Variants in PGAP4 observed in about 807,000 individuals in gnomAD.
The protein encoded by PGAP4 is post-GPI attachment to proteins GalNAc transferase 4, also known as GPI-N-acetylgalactosamine transferase PGAP4.
In PGAP4, 12 loss-of-function variants were observed where a neutral mutation model predicts 28.2. The observed-to-expected ratio is 0.42, with a 90% CI of 0.27 to 0.69. PGAP4 has a LOEUF of 0.69. Ranked by LOEUF, PGAP4 falls within the 30% of genes least tolerant of loss-of-function variation. The pLI, the probability that PGAP4 is intolerant of heterozygous loss-of-function variation, is 0.22. For synonymous variants in PGAP4, 205 were observed against 211.8 expected, an observed-to-expected ratio of 0.97 and a Z score of 0.28; for missense variants, 425 against 513.5, an observed-to-expected ratio of 0.83 and a Z score of 1.67.
chr9:101,515,880 G>A (rs184726426), intron 2 of PGAP4, among the ~76,000 whole-genome samples: 86 of 152,104 alleles, frequency 5.7e-4, no homozygotes, highest in Non-Finnish European at 9.6e-4. Flanking sequence ...GCATAGTAGG[G>A]TGACTAGTTA....
chr9:101,495,748 TC>T (rs1826741584), intron 2 of PGAP4, among the ~76,000 whole-genome samples: 1 of 150,558 alleles, frequency 6.6e-6, no homozygotes, highest in Non-Finnish European at 1.5e-5. Flanking sequence ...TTTAAAGTAA[TC>T]CAAAACCTAG....
At chr9:101,498,336 G>T (rs769062655) in intron 2 of PGAP4, among the ~76,000 whole-genome samples, 2 of 149,816 alleles carry the variant, frequency 1.3e-5, no homozygotes, top group South Asian at 2.1e-4. Flanking sequence ...CATTTTAACC[G>T]TTTTTTTTTA....
At chr9:101,485,110 G>T (rs68114463) in intron 1 of PGAP4, among the ~76,000 whole-genome samples, 35,670 of 151,916 alleles carry the variant, frequency 0.23, 4,456 homozygotes, top group East Asian at 0.43. Flanking sequence ...TAAATTAAAT[G>T]ATGTATATAT....
intron 2 of PGAP4, among the ~76,000 whole-genome samples, chr9:101,507,406 T>C (rs1036410371): frequency 6.6e-6 from 1 of 152,154 alleles, no homozygotes; most frequent in African/African-American, 2.4e-5. Context: ...GTTAGGCTTA[T>C]CCAAGATTTG....
At chr9:101,505,578 G>C (rs545097119) in intron 2 of PGAP4, among the ~76,000 whole-genome samples, 2 of 151,950 alleles carry the variant, frequency 1.3e-5, no homozygotes, top group East Asian at 3.9e-4. Context: ...AAAAAAAAAT[G>C]GTTATATAGT....
At chr9:101,506,316 A>G (rs1435726166) in intron 2 of PGAP4, among the ~76,000 whole-genome samples, 2 of 152,062 alleles carry the variant, frequency 1.3e-5, no homozygotes, top group African/African-American at 4.8e-5. Context: ...TTTACACCCC[A>G]CTTTTACAAG....
intron 2 of PGAP4, among the ~76,000 whole-genome samples, chr9:101,521,565 T>C (rs979083734): frequency 2.0e-5 from 3 of 152,180 alleles, no homozygotes; most frequent in African/African-American, 7.2e-5. Context: ...ATATCTCCTG[T>C]TTCATTTCTG....
Position 101,475,145 on chromosome 9 carries a change from T to C in PGAP4, c.*736A>G, listed in dbSNP as rs1396646430. The C allele has an allele frequency of 2.0e-5, 3 of 152,222 alleles. No individual in the cohort carries two copies. Among genetic ancestry groups the C allele is most frequent in the Non-Finnish European group, 2.9e-5 (2 of 68,130 alleles). 9.4% of individuals were successfully genotyped at this position (152,222 alleles called of 1,614,324 possible). On this transcript the variant is annotated 3_prime_UTR_variant, in exon 2 of 2. Coordinates refer to ENST00000374848, the MANE Select transcript of PGAP4 (RefSeq NM_032342.3). ...ATGTCCAATTTTCAAAGAGTCAGAG[T>C]AGTACAGAAATGTTCAATGTTAAAT...
intron 2 of PGAP4, among the ~76,000 whole-genome samples, chr9:101,519,845 T>C (rs987607926): frequency 1.3e-5 from 2 of 152,168 alleles, no homozygotes; most frequent in Non-Finnish European, 2.9e-5. Flanking sequence ...AGAATTTTTA[T>C]GGTTTCAGGT....
At chr9:101,493,484 T>G (rs1826710473) in intron 2 of PGAP4, among the ~76,000 whole-genome samples, 1 of 152,148 alleles carries the variant, frequency 6.6e-6, no homozygotes, top group African/African-American at 2.4e-5. Context: ...TCCATGAATA[T>G]GTAAAATATT....
At chr9:101,526,172 G>A (rs2118637031) in intron 2 of PGAP4, among the ~76,000 whole-genome samples, 1 of 152,260 alleles carries the variant, frequency 6.6e-6, no homozygotes. Flanking sequence ...TCTTCTAAAT[G>A]TTAAGATCAC....
intron 2 of PGAP4, among the ~76,000 whole-genome samples, chr9:101,512,763 A>T (rs1490555484): frequency 6.6e-6 from 1 of 152,174 alleles, no homozygotes; most frequent in Non-Finnish European, 1.5e-5. Flanking sequence ...AGCTTTCATC[A>T]ATGTGGTTTC....
intron 2 of PGAP4, among the ~76,000 whole-genome samples, chr9:101,524,414 G>A (rs1244974328): frequency 6.6e-6 from 1 of 152,092 alleles, no homozygotes; most frequent in Non-Finnish European, 1.5e-5. Context: ...TCCCAGCTGC[G>A]AAAGAAAAGG....
At chr9:101,491,409 C>T (rs183785578), upstream of PGAP4, among the ~76,000 whole-genome samples, 1 of 152,200 alleles carries the variant, frequency 6.6e-6, no homozygotes, top group Non-Finnish European at 1.5e-5. Flanking sequence ...GAGCACTTAA[C>T]ATGAACGGTA....
intron 2 of PGAP4, among the ~76,000 whole-genome samples, chr9:101,505,847 A>C (rs1412113108): frequency 6.6e-6 from 1 of 152,156 alleles, no homozygotes; most frequent in African/African-American, 2.4e-5. Context: ...AAAACACAAA[A>C]GATAGGTAGG....
At chr9:101,510,533 C>T (rs1037655937) in intron 2 of PGAP4, among the ~76,000 whole-genome samples, 1 of 152,116 alleles carries the variant, frequency 6.6e-6, no homozygotes. Context: ...GAATGTGACT[C>T]ACCTGTTGCA....
chr9:101,493,383 G>C (rs2118576477), intron 2 of PGAP4, among the ~76,000 whole-genome samples: 1 of 152,222 alleles, frequency 6.6e-6, no homozygotes, highest in South Asian at 2.1e-4. Context: ...CCACAGGTGA[G>C]TAGTTTAGCA....
intron 1 of PGAP4, among the ~76,000 whole-genome samples, chr9:101,477,779 G>A (rs1460745834): frequency 6.6e-6 from 1 of 152,106 alleles, no homozygotes; most frequent in African/African-American, 2.4e-5. Flanking sequence ...AATCCTGATT[G>A]TTCTCCCATT....
At chr9:101,477,398 G>A (rs778396608) in intron 1 of PGAP4, among the ~76,000 whole-genome samples, 12 of 151,944 alleles carry the variant, frequency 7.9e-5, no homozygotes, top group Non-Finnish European at 1.3e-4. Flanking sequence ...TGAGTAATAC[G>A]ATCTCGGTGC....
Sources: gnomAD v4.1 joint callset for allele counts (sites outside exome capture counted in the v4.1 genomes callset) on GRCh38, gnomAD v4.1.1 for gene constraint, MANE v1.5 for transcripts, NCBI Gene and HGNC (gene_info 2026-07-23, HGNC 2026-07-21) for gene names.